The following IL15 variants were observed in gnomAD, a reference collection of about 807,000 sequenced individuals.
IL15 encodes interleukin-15.
Under a neutral mutation model 19.6 loss-of-function variants are expected in IL15, and 11 were observed. The observed-to-expected ratio is 0.56, with a 90% CI of 0.35 to 0.93. The LOEUF is 0.93. Among genes scored for constraint, IL15 ranks in the 40% least tolerant of loss-of-function variants. The pLI is 0.01. For synonymous variants in IL15, 58 were observed against 59.6 expected (o/e 0.97, Z 0.12); for missense variants, 197 against 186.5 (o/e 1.06, Z -0.33).
intron 2 of IL15, among the ~76,000 whole-genome samples, chr4:141,714,250 A>G (rs978106124): frequency 6.6e-6 from 1 of 152,072 alleles, no homozygotes. Context: ...TTCCCGTGAC[A>G]GTAGATGACT....
chr4:141,652,997 T>C (rs1727461496), intron 1 of IL15, among the ~76,000 whole-genome samples: 1 of 152,150 alleles, frequency 6.6e-6, no homozygotes, highest in Admixed American at 6.6e-5. Flanking sequence ...CATCTGGTAT[T>C]TTGTGCTCAA....
At chr4:141,668,710 C>A (rs1053324733) in intron 2 of IL15, among the ~76,000 whole-genome samples, 1 of 152,164 alleles carries the variant, frequency 6.6e-6, no homozygotes, top group Non-Finnish European at 1.5e-5. Context: ...GCATCACATC[C>A]TTTTTCTCCT....
intron 5 of IL15, among the ~76,000 whole-genome samples, chr4:141,723,412 A>G (rs115116901): frequency 0.056 from 8,583 of 152,264 alleles, 358 homozygotes; most frequent in Non-Finnish European, 0.094. Context: ...AAGACAGAGG[A>G]AGAGATCAGA....
intron 2 of IL15, among the ~76,000 whole-genome samples, chr4:141,673,957 A>G (rs17461899): frequency 0.09 from 13,701 of 152,306 alleles, 862 homozygotes; most frequent in Admixed American, 0.22. Context: ...CAAATTGAAC[A>G]TTCACAGCAT....
At chr4:141,718,285 G>C (rs541110891) in intron 2 of IL15, 1 of 146,710 alleles carries the variant, frequency 6.8e-6, no homozygotes, top group Non-Finnish European at 1.5e-5. Context: ...TTTTTTTTTT[G>C]AAAAATGTGG....
At position 141,673,047 on chromosome 4, in the gene IL15, T is replaced by A. The variant is rs1470650036; in HGVS notation, c.-100+16740T>A. ...CTTTCTTCCTCACTAGACTATGAGC[T>A]CAATAAGGAGAGGCGTGATGCTGAC... is the stretch of plus-strand genomic sequence containing the variant. On this transcript the variant is annotated intron_variant, in intron 2 of 7. Transcript: ENST00000320650. Among the ~76,000 whole-genome samples the A allele has an allele frequency of 2.6e-5, 4 of 152,176 alleles. No individual in the cohort carries two copies. In the South Asian group the frequency reaches 6.2e-4, roughly 24 times the overall value.
At chr4:141,695,292 T>G (rs1729056103) in intron 2 of IL15, among the ~76,000 whole-genome samples, 1 of 147,670 alleles carries the variant, frequency 6.8e-6, no homozygotes, top group Admixed American at 6.7e-5. Flanking sequence ...TTTTTTTTTT[T>G]TTTTTTTTAA....
intron 4 of IL15, chr4:141,721,647 T>G: frequency 1.9e-6 from 1 of 515,296 alleles, no homozygotes; most frequent in Non-Finnish European, 3.5e-6. Context: ...TCTATTTCAT[T>G]GTGATAAATT....
chr4:141,728,403 T>C (rs1730339940), intron 6 of IL15, among the ~76,000 whole-genome samples: 1 of 152,154 alleles, frequency 6.6e-6, no homozygotes. Flanking sequence ...ATTCATGTTC[T>C]GCATTTTACA....
chr4:141,687,314 A>T (rs749200007), intron 2 of IL15, among the ~76,000 whole-genome samples: 7 of 152,186 alleles, frequency 4.6e-5, no homozygotes, highest in Non-Finnish European at 7.3e-5. Flanking sequence ...TTGCTTTTAC[A>T]TTATTAGGGT....
intron 2 of IL15, chr4:141,689,178 G>C (rs990287918): frequency 6.5e-6 from 1 of 152,746 alleles, no homozygotes; most frequent in African/African-American, 2.4e-5. Context: ...GACCCAAAGA[G>C]TGAGCAGTAA....
intron 5 of IL15, among the ~76,000 whole-genome samples, chr4:141,723,070 G>A (rs1466257962): frequency 6.6e-6 from 1 of 152,076 alleles, no homozygotes; most frequent in East Asian, 1.9e-4. Flanking sequence ...CCAAGTAAAA[G>A]AGAGAGATTG....
At chr4:141,655,940 G>C (rs1560904007) in intron 1 of IL15, among the ~76,000 whole-genome samples, 1 of 152,244 alleles carries the variant, frequency 6.6e-6, no homozygotes, top group East Asian at 1.9e-4. Context: ...AATGATATAT[G>C]ATTTTTTTCT....
intron 2 of IL15, among the ~76,000 whole-genome samples, chr4:141,659,252 G>T (rs1337712360): frequency 1.3e-5 from 2 of 151,580 alleles, no homozygotes; most frequent in African/African-American, 4.9e-5. Context: ...GCCCAGGCTG[G>T]AATGCAATGG....
At chr4:141,728,693 A>G (rs1730349441) in intron 6 of IL15, among the ~76,000 whole-genome samples, 1 of 152,134 alleles carries the variant, frequency 6.6e-6, no homozygotes, top group East Asian at 1.9e-4. Flanking sequence ...TACATAGATG[A>G]CTTTCTAAGC....
At chr4:141,706,162 T>A (rs1371231705) in intron 2 of IL15, among the ~76,000 whole-genome samples, 1 of 152,048 alleles carries the variant, frequency 6.6e-6, no homozygotes, top group East Asian at 1.9e-4. Flanking sequence ...TTATTGTTTA[T>A]CTCTGTGGTT....
chr4:141,683,753 C>G (rs750817746), intron 2 of IL15, among the ~76,000 whole-genome samples: 1 of 152,022 alleles, frequency 6.6e-6, no homozygotes, highest in African/African-American at 2.4e-5. Context: ...ATTAGAATAA[C>G]AGTTATTTGA....
chr4:141,713,377 A>C (rs938010697), intron 2 of IL15, among the ~76,000 whole-genome samples: 1 of 152,106 alleles, frequency 6.6e-6, no homozygotes, highest in Non-Finnish European at 1.5e-5. Context: ...TCCATCAACC[A>C]CCTGTTTTTA....
intron 2 of IL15, among the ~76,000 whole-genome samples, chr4:141,675,626 T>G (rs1728317030): frequency 6.6e-6 from 1 of 152,190 alleles, no homozygotes; most frequent in East Asian, 1.9e-4. Context: ...TCACTAGTGA[T>G]GCTGGAAGTG....
Sources: allele counts gnomAD v4.1 joint callset (sites outside exome capture counted in the v4.1 genomes callset), GRCh38; gene constraint gnomAD v4.1.1; transcripts MANE v1.5; gene names NCBI Gene and HGNC (gene_info 2026-07-23, HGNC 2026-07-21).